The following GRID1 variants were observed in gnomAD, a reference collection of about 807,000 sequenced individuals.
GRID1 encodes glutamate receptor ionotropic, delta-1.
Under a neutral mutation model 98.0 loss-of-function variants are expected in GRID1, and 28 were observed. That is an observed-to-expected ratio of 0.29 (90% confidence interval 0.21 to 0.39). The LOEUF (loss-of-function observed/expected upper bound fraction) is 0.39, where lower values mean the gene tolerates loss of function less well. GRID1 is among the 10% of genes least tolerant of loss of function. The probability of loss-of-function intolerance (pLI) is 1.00; values close to 1 mark genes in which losing one functional copy is unlikely to be tolerated. For synonymous variants in GRID1, 553 were observed against 538.5 expected (o/e 1.03, Z -0.37); for missense variants, 1,111 against 1,340.5 (o/e 0.83, Z 2.67).
At chr10:85,842,778 A>T (rs956377520) in intron 8 of GRID1, among the ~76,000 whole-genome samples, 1 of 152,098 alleles carries the variant, frequency 6.6e-6, no homozygotes, top group Non-Finnish European at 1.5e-5. Flanking sequence ...AGAAATCCCC[A>T]GACTATAATG....
chr10:86,011,265 A>T (rs1842920859), intron 4 of GRID1, among the ~76,000 whole-genome samples: 1 of 152,236 alleles, frequency 6.6e-6, no homozygotes, highest in Non-Finnish European at 1.5e-5. Flanking sequence ...AAATTAGCAC[A>T]TGTGATCATC....
intron 4 of GRID1, among the ~76,000 whole-genome samples, chr10:86,074,249 T>C (rs1352520446): frequency 6.6e-6 from 1 of 152,232 alleles, no homozygotes; most frequent in Admixed American, 6.5e-5. Context: ...ACATCAAACA[T>C]TGAATTTATT....
intron 4 of GRID1, among the ~76,000 whole-genome samples, chr10:85,997,062 T>G (rs916549787): frequency 6.6e-6 from 1 of 152,154 alleles, no homozygotes; most frequent in Non-Finnish European, 1.5e-5. Context: ...TACAATAGAT[T>G]CTTCTCCTTT....
intron 5 of GRID1, among the ~76,000 whole-genome samples, chr10:85,914,689 A>C (rs1447821460): frequency 6.6e-6 from 1 of 152,242 alleles, no homozygotes; most frequent in African/African-American, 2.4e-5. Flanking sequence ...TTATTAAAAT[A>C]AGCCACCCAA....
At position 85,727,904 on chromosome 10, in the gene GRID1, T is replaced by G; in HGVS notation, c.1484A>C (p.Gln495Pro). The G allele has an allele frequency of 1.2e-6, 2 of 1,614,048 alleles. No individual in the cohort carries two copies. The highest frequency in any genetic ancestry group is 1.7e-6 in the Non-Finnish European group (2 of 1,179,956). ...CCCGTTCCAGGAGGTGTTATGGAGCTGGTGACCGTACCTGCCATCAGGGGC... is the reference window on the plus strand; with the variant it reads ...CCCGTTCCAGGAGGTGTTATGGAGCGGGTGACCGTACCTGCCATCAGGGGC... ...YQAPDGRYGH[Q>P]LHNTSWNGMI... Residue 495 changes from glutamine to proline, a missense_variant, in exon 10 of 16, where the codon CAG becomes CCG. Around this residue, in one of 3 missense-constraint regions of GRID1, gnomAD observed 762 missense variants for 869.1 expected, o/e 0.88. Transcript: ENST00000327946.
intron 8 of GRID1, among the ~76,000 whole-genome samples, chr10:85,850,214 G>T (rs189264569): frequency 3.1e-4 from 47 of 152,304 alleles, no homozygotes; most frequent in African/African-American, 1.1e-3. Context: ...AGAATGAGTT[G>T]CCTACACCAG....
rs143069115 is a variant in GRID1, at chr10:86,365,552, C to A, written c.79+762G>T. On this transcript the variant is annotated intron_variant, in intron 1 of 15. Coordinates refer to ENST00000327946, the MANE Select transcript of GRID1 (RefSeq NM_017551.3). The surrounding 1 kb of genome is among the most constrained non-coding windows in gnomAD (Gnocchi z 4.8). ...CTTCCCGCTCAGCATCCCCCTACCC[C>A]CCGCTGCCCACGCTTCTTCCCTCGG... 2.6e-5 allele frequency among the ~76,000 whole-genome samples: 4 copies of A among 152,112 alleles called. No homozygotes were observed. The highest frequency in any genetic ancestry group is 6.5e-5 in the Admixed American group (1 of 15,296).
intron 4 of GRID1, among the ~76,000 whole-genome samples, chr10:86,069,282 C>A (rs1357587023): frequency 6.6e-6 from 1 of 152,136 alleles, no homozygotes; most frequent in Non-Finnish European, 1.5e-5. Context: ...CAGAACCCAG[C>A]TTTCAGGGGC....
intron 2 of GRID1, among the ~76,000 whole-genome samples, chr10:86,252,531 G>A (rs2607825): frequency 0.54 from 82,384 of 152,184 alleles, 26,483 homozygotes; most frequent in Non-Finnish European, 0.71. Context: ...TACGTGGTTT[G>A]ACACCATCTC....
intron 4 of GRID1, among the ~76,000 whole-genome samples, chr10:86,077,232 T>C (rs1843895765): frequency 6.6e-6 from 1 of 150,748 alleles, no homozygotes; most frequent in Admixed American, 6.6e-5. Flanking sequence ...ATTTGGTCAT[T>C]CATTCAGCTG....
At chr10:86,296,725 G>A (rs1847596132) in intron 2 of GRID1, among the ~76,000 whole-genome samples, 1 of 151,652 alleles carries the variant, frequency 6.6e-6, no homozygotes, top group Admixed American at 6.6e-5. Flanking sequence ...GGCAACAGAG[G>A]GAGACTCCAT....
intron 8 of GRID1, among the ~76,000 whole-genome samples, chr10:85,817,217 C>T (rs897653781): frequency 1.8e-4 from 28 of 152,206 alleles, no homozygotes; most frequent in South Asian, 8.3e-4. Flanking sequence ...GGGTATATAT[C>T]CAGTAATGGG....
intron 5 of GRID1, among the ~76,000 whole-genome samples, chr10:85,884,437 T>C (rs1266661929): frequency 6.6e-6 from 1 of 152,170 alleles, no homozygotes; most frequent in South Asian, 2.1e-4. Flanking sequence ...TTAAGTTTCT[T>C]GTCATTAATA....
intron 4 of GRID1, among the ~76,000 whole-genome samples, chr10:85,955,677 G>C (rs11592936): frequency 6.6e-6 from 1 of 152,112 alleles, no homozygotes; most frequent in Non-Finnish European, 1.5e-5. Context: ...TTTCGACAGA[G>C]CAAGTGGAGA....
At chr10:85,718,706 G>C (rs1590203192) in intron 12 of GRID1, among the ~76,000 whole-genome samples, 2 of 152,172 alleles carry the variant, frequency 1.3e-5, no homozygotes, top group Non-Finnish European at 2.9e-5. Context: ...GGGACCTAGG[G>C]CCCAGCCCAT....
intron 2 of GRID1, among the ~76,000 whole-genome samples, chr10:86,252,104 T>C (rs1201968912): frequency 3.3e-5 from 5 of 152,318 alleles, no homozygotes; most frequent in Middle Eastern, 3.4e-3. Context: ...CAGAGCCAGA[T>C]ACAGAGCCCA....
chr10:86,155,066 A>C (rs1055634255), intron 3 of GRID1, among the ~76,000 whole-genome samples: 2 of 152,202 alleles, frequency 1.3e-5, no homozygotes, highest in Non-Finnish European at 2.9e-5. Flanking sequence ...GATATTTAGG[A>C]ACATGCCTCC....
chr10:86,150,285 T>C (rs1434527219), intron 3 of GRID1, among the ~76,000 whole-genome samples: 1 of 152,210 alleles, frequency 6.6e-6, no homozygotes, highest in Non-Finnish European at 1.5e-5. Flanking sequence ...AGCTGCTGGA[T>C]TCTTCAATGC....
chr10:85,606,153 C>A (rs1312023181), intron 15 of GRID1: 1 of 152,192 alleles, frequency 6.6e-6, no homozygotes. Context: ...TTATTTTACT[C>A]ACATTTTTTT....
Sources: allele counts gnomAD v4.1 joint callset (sites outside exome capture counted in the v4.1 genomes callset), GRCh38; gene constraint gnomAD v4.1.1; regional missense constraint gnomAD v4.1.1; non-coding constraint Gnocchi (gnomAD v3.1); transcripts MANE v1.5; gene names NCBI Gene and HGNC (gene_info 2026-07-23, HGNC 2026-07-21).